DNAH7: variants seen among roughly 807,000 people sequenced by gnomAD.
DNAH7 encodes dynein axonemal heavy chain 7, also known as axonemal beta dynein heavy chain 7.
DNAH7 carries 397 observed loss-of-function variants against 444.6 expected under a neutral mutation model. The observed-to-expected ratio is 0.89, with a 90% CI of 0.82 to 0.97. The LOEUF (loss-of-function observed/expected upper bound fraction) is 0.97. Ranked by LOEUF, DNAH7 falls within the 50% of genes least tolerant of loss-of-function variation. The probability of loss-of-function intolerance (pLI) is 0.00; values close to 1 mark genes in which losing one functional copy is unlikely to be tolerated. For synonymous variants in DNAH7, 1,636 were observed against 1,624.4 expected (o/e 1.01, Z -0.17); for missense variants, 4,902 against 4,800.8 (o/e 1.02, Z -0.62).
In DNAH7 at chr2:195,984,704, G is replaced by T; in HGVS notation, c.1761C>A (p.Cys587Ter). ...RDHQEVNTRL[C>*]DEFERIAEKA... ...TTTCAGCTATCCTCTCAAATTCATC[G>T]CATAATCTGAAACACCAAGTAAAAC... The change falls in exon 15 of 65, where the codon TGC (cysteine) becomes TGA (stop). Residue 587 changes from cysteine to a stop codon, truncating the protein, a stop_gained. Transcript: ENST00000312428. LOFTEE classifies it high-confidence loss of function. The T allele has an allele frequency of 6.2e-7, 1 of 1,613,420 alleles. No individual in the cohort carries two copies. Among genetic ancestry groups the T allele is most frequent in the Non-Finnish European group, 8.5e-7 (1 of 1,179,668 alleles).
At chr2:195,786,924 A>G in intron 58 of DNAH7, 86 bp downstream of exon 58, 3 of 1,349,104 alleles carry the variant, frequency 2.2e-6, no homozygotes, top group Non-Finnish European at 3.0e-6. Flanking sequence ...AGTAGAAATT[A>G]ATCAGAAGTG....
chr2:195,876,822 T>C (rs1165189718), intron 36 of DNAH7, 123 bp from the exon 37 acceptor site: 4 of 667,284 alleles, frequency 6.0e-6, no homozygotes, highest in African/African-American at 5.5e-5. Flanking sequence ...ATTGTACAAA[T>C]AGATGGAATC....
chr2:195,998,137 T>A (rs980297326), intron 12 of DNAH7, among the ~76,000 whole-genome samples: 1 of 152,180 alleles, frequency 6.6e-6, no homozygotes, highest in Non-Finnish European at 1.5e-5. Context: ...TTTGATACCA[T>A]GAAAAACATC....
chr2:195,935,610 C>T (rs997236346), intron 20 of DNAH7, among the ~76,000 whole-genome samples: 2 of 152,086 alleles, frequency 1.3e-5, no homozygotes, highest in African/African-American at 2.4e-5. Context: ...GAAGACATGC[C>T]ATTAACAAAT....
chr2:196,029,045 G>A (rs1695868771), intron 5 of DNAH7, among the ~76,000 whole-genome samples: 1 of 152,194 alleles, frequency 6.6e-6, no homozygotes, highest in African/African-American at 2.4e-5. Context: ...ATAAATGTTT[G>A]TTAAGTGAGG....
In DNAH7 at chr2:196,024,463, T is replaced by G. The variant is rs776078899; in HGVS notation, c.709A>C (p.Lys237Gln). The G allele has an allele frequency of 6.3e-7, 1 of 1,585,136 alleles. No homozygotes were observed. Among genetic ancestry groups the G allele is most frequent in the Non-Finnish European group, 8.6e-7 (1 of 1,168,410 alleles). The change falls in exon 8 of 65, where the codon AAG (lysine) becomes CAG (glutamine). Residue 237 changes from lysine (K) to glutamine (Q), a missense_variant. Coordinates refer to ENST00000312428, the MANE Select transcript of DNAH7 (RefSeq NM_018897.3). The stretch of plus-strand genomic sequence containing the variant: ...TGGGCTGGAAGTTCATCTGTCTTCT[T>G]ATCATCTCCTTTCTCTCGAGGATCT... Reference protein sequence around the residue: ...LKDPREKGDDKKTDELPAHRA... With the variant: ...LKDPREKGDDQKTDELPAHRA...
intron 10 of DNAH7, among the ~76,000 whole-genome samples, chr2:196,004,406 T>A (rs1448692480): frequency 1.3e-5 from 2 of 152,090 alleles, no homozygotes; most frequent in Non-Finnish European, 2.9e-5. Flanking sequence ...ATAAAATAAG[T>A]CTCAATAAAT....
chr2:195,740,898 A>G, intron 63 of DNAH7, 29 bp from the exon 64 acceptor site: 1 of 1,369,038 alleles, frequency 7.3e-7, no homozygotes, highest in Non-Finnish European at 9.9e-7. Flanking sequence ...CATTAATATA[A>G]CACTTGAAAT....
At chr2:195,935,995 T>C (rs554894271) in intron 20 of DNAH7, among the ~76,000 whole-genome samples, 45 of 152,290 alleles carry the variant, frequency 3.0e-4, no homozygotes, top group African/African-American at 1.1e-3. Context: ...GTGTGGGGCA[T>C]TGCAAACCAT....
intron 10 of DNAH7, among the ~76,000 whole-genome samples, chr2:196,004,624 G>A (rs1042303566): frequency 1.1e-4 from 17 of 152,134 alleles, no homozygotes; most frequent in African/African-American, 4.1e-4. Flanking sequence ...TGATTAGAGG[G>A]AAATTTTTAG....
intron 63 of DNAH7, among the ~76,000 whole-genome samples, chr2:195,741,760 A>G (rs1441517566): frequency 2.0e-5 from 3 of 152,232 alleles, no homozygotes; most frequent in African/African-American, 7.2e-5. Flanking sequence ...GTAGAGTAGC[A>G]TATGAAAATC....
At chr2:195,955,080 TAGACATGA>T (rs1281978359) in intron 19 of DNAH7, among the ~76,000 whole-genome samples, 1 of 152,248 alleles carries the variant, frequency 6.6e-6, no homozygotes, top group Non-Finnish European at 1.5e-5. Flanking sequence ...TTTGGTGTTT[TAGACATGA>T]AGTCCTTGCC....
At chr2:195,981,973 T>A (rs191371615) in intron 15 of DNAH7, among the ~76,000 whole-genome samples, 26 of 152,082 alleles carry the variant, frequency 1.7e-4, no homozygotes, top group Non-Finnish European at 2.9e-4. Flanking sequence ...TGGGATCACA[T>A]CCAGTTAAAA....
At chr2:195,821,947 T>A (rs79196898) in intron 49 of DNAH7, among the ~76,000 whole-genome samples, 7,248 of 152,288 alleles carry the variant, frequency 0.048, 263 homozygotes, top group African/African-American at 0.1. Flanking sequence ...CCTAGGAAGA[T>A]GATTCCCTCC....
intron 19 of DNAH7, among the ~76,000 whole-genome samples, chr2:195,940,889 T>C (rs1293815295): frequency 6.6e-6 from 1 of 152,140 alleles, no homozygotes; most frequent in Non-Finnish European, 1.5e-5. Context: ...CTGGAGAAGA[T>C]GTGGAGAAAT....
chr2:195,876,687 T>A lies in DNAH7; in HGVS notation c.5974A>T (p.Asn1992Tyr). 3 of 1,586,454 alleles carry A rather than the reference T, an allele frequency of 1.9e-6. No individual in the cohort carries two copies. Among genetic ancestry groups the A allele is most frequent in the Non-Finnish European group, 2.6e-6 (3 of 1,160,614 alleles). Reference protein sequence around the residue: ...KSVYITNFLLNQLNKEIYKPL... With the variant: ...KSVYITNFLLYQLNKEIYKPL... ...TTGTAGATTTCCTTATTTAGTTGAT[T>A]TAAAAGAAAATTCTATATAACAAAA... The change falls in exon 37 of 65, where the codon AAT (asparagine) becomes TAT (tyrosine). Residue 1992 changes from asparagine to tyrosine, a missense_variant. Transcript: ENST00000312428.
intron 15 of DNAH7, among the ~76,000 whole-genome samples, chr2:195,975,642 C>A (rs1692140760): frequency 6.6e-6 from 1 of 152,112 alleles, no homozygotes; most frequent in Non-Finnish European, 1.5e-5. Flanking sequence ...CAGCTCACTG[C>A]TCCAAAGAAG....
chr2:196,008,552 T>G (rs1021206243), intron 10 of DNAH7, among the ~76,000 whole-genome samples: 4 of 152,296 alleles, frequency 2.6e-5, no homozygotes, highest in African/African-American at 9.6e-5. Context: ...ATGTCTTATA[T>G]CCATATACTG....
intron 19 of DNAH7, among the ~76,000 whole-genome samples, chr2:195,950,722 G>T (rs1345503146): frequency 1.3e-5 from 2 of 151,324 alleles, no homozygotes; most frequent in Non-Finnish European, 2.9e-5. Context: ...CGTGGTGGCG[G>T]GTGCCTGTAG....
Sources: allele counts gnomAD v4.1 joint callset (sites outside exome capture counted in the v4.1 genomes callset), GRCh38; gene constraint gnomAD v4.1.1; transcripts MANE v1.5; gene names NCBI Gene and HGNC (gene_info 2026-07-23, HGNC 2026-07-21).